The following TF variants were observed in gnomAD, a reference collection of about 807,000 sequenced individuals.
TF encodes transferrin, also known as serotransferrin.
A neutral mutation model predicts 82.4 loss-of-function variants in TF; 55 were observed. The ratio of observed to expected loss-of-function variants is 0.67; its 90% CI spans 0.54 to 0.84. The LOEUF is 0.84. Ranked by LOEUF, TF falls within the 40% of genes least tolerant of loss-of-function variation. The pLI, the probability that TF is intolerant of heterozygous loss-of-function variation, is 0.00. For synonymous variants in TF, 332 were observed against 332.6 expected, an observed-to-expected ratio of 1.00 and a Z score of 0.02; for missense variants, 737 against 868.4, an observed-to-expected ratio of 0.85 and a Z score of 1.90.
the TF span, among the ~76,000 whole-genome samples, chr3:133,735,535 T>G: frequency 6.6e-6 from 1 of 152,008 alleles, no homozygotes; most frequent in Admixed American, 6.6e-5. Flanking sequence ...TCTAACCCAA[T>G]GCAAGGAAGC....
the TF span, among the ~76,000 whole-genome samples, chr3:133,684,815 A>G: frequency 1.3e-5 from 2 of 152,350 alleles, no homozygotes; most frequent in Admixed American, 6.5e-5. Flanking sequence ...AACTATTCCA[A>G]TCAATAGAAA....
At chr3:133,714,544 A>G in the TF span, among the ~76,000 whole-genome samples, 1 of 152,226 alleles carries the variant, frequency 6.6e-6, no homozygotes, top group East Asian at 1.9e-4. Flanking sequence ...CAGAAGGTGC[A>G]TTGGTGTTAG....
At chr3:133,679,015 G>A in the TF span, among the ~76,000 whole-genome samples, 7 of 152,064 alleles carry the variant, frequency 4.6e-5, no homozygotes, top group Non-Finnish European at 7.4e-5. Flanking sequence ...TGGGATTACA[G>A]GTGGGCACCA....
the TF span, among the ~76,000 whole-genome samples, chr3:133,693,149 T>G: frequency 2.0e-5 from 3 of 152,194 alleles, no homozygotes; most frequent in Non-Finnish European, 4.4e-5. Flanking sequence ...AAGGTGTCAG[T>G]CCCACCTTCC....
At chr3:133,664,160 A>G in the TF span, among the ~76,000 whole-genome samples, 2 of 152,206 alleles carry the variant, frequency 1.3e-5, no homozygotes, top group Non-Finnish European at 2.9e-5. Context: ...TGTGCCCTTC[A>G]GGTGATTTTG....
At chr3:133,683,106 G>A in the TF span, among the ~76,000 whole-genome samples, 1 of 152,104 alleles carries the variant, frequency 6.6e-6, no homozygotes, top group Non-Finnish European at 1.5e-5. Context: ...CCAAACTAAG[G>A]TTCCTAAGTG....
the TF span, among the ~76,000 whole-genome samples, chr3:133,694,898 A>G: frequency 7.6e-6 from 1 of 130,778 alleles, no homozygotes; most frequent in Non-Finnish European, 1.7e-5. Flanking sequence ...TATTATTATT[A>G]TTTTCATTTA....
At chr3:133,667,550 TGA>T in the TF span, among the ~76,000 whole-genome samples, 16 of 149,228 alleles carry the variant, frequency 1.1e-4, no homozygotes, top group Admixed American at 1.3e-4. Context: ...CACCATCAAC[TGA>T]GAGAGAGAGA....
chr3:133,722,645 T>A, the TF span, among the ~76,000 whole-genome samples: 2 of 152,180 alleles, frequency 1.3e-5, no homozygotes, highest in Non-Finnish European at 2.9e-5. Context: ...TGATAGCAAC[T>A]TAACTTTGGC....
rs1934724996 is a variant in TF, at chr3:133,787,821, TCTAGATA to T, written c.*9205_*9211del. On this transcript the variant is annotated 3_prime_UTR_variant, in exon 17 of 17. Transcript: ENST00000402696. ...AGTCCTAATTTTAAAATATCCACTC[TCTAGATA>T]CTAAAGAGGTTGCCAATGTATGACA... 2 of 152,262 alleles carry T rather than the reference TCTAGATA, an allele frequency of 1.3e-5. No individual in the cohort carries two copies. The highest frequency in any genetic ancestry group is 6.5e-5 in the Admixed American group (1 of 15,286). The allele number at this position is 152,262 out of a possible 1,614,324, so 9.4% of individuals were successfully genotyped here.
chr3:133,761,696 A>C (rs1421360338), intron 9 of TF: 1 of 152,248 alleles, frequency 6.6e-6, no homozygotes, highest in Non-Finnish European at 1.5e-5. Context: ...TCAAAAGAGC[A>C]TAGTACTGGA....
the TF span, among the ~76,000 whole-genome samples, chr3:133,706,582 CTA>C: frequency 6.6e-6 from 1 of 152,006 alleles, no homozygotes; most frequent in African/African-American, 2.4e-5. Context: ...GGCTAGCAAT[CTA>C]TGTTTTAACA....
In TF at chr3:133,759,329, G is replaced by C. The variant is rs201518705; in HGVS notation, c.1203G>C (p.Met401Ile). The C allele has an allele frequency of 6.2e-7, 1 of 1,613,522 alleles. No homozygotes were observed. The highest frequency in any genetic ancestry group is 8.5e-7 in the Non-Finnish European group (1 of 1,180,012). Reference sequence around the variant, plus strand: ...CCGAAGACTGCATCGCCAAGATCATGGTATGTCACTCCAGCCTTCCTAGGG... The same window carrying C: ...CCGAAGACTGCATCGCCAAGATCATCGTATGTCACTCCAGCCTTCCTAGGG... ...ETTEDCIAKI[M>I]NGEADAMSLD... The change falls in exon 9 of 17, where the codon ATG (methionine) becomes ATC (isoleucine). Residue 401 changes from methionine (M) to isoleucine (I), a missense_variant and splice_region_variant. Coordinates refer to ENST00000402696, the MANE Select transcript of TF (RefSeq NM_001063.4).
At chr3:133,670,121 TGGAAGCAGGCTGCC>T in the TF span, among the ~76,000 whole-genome samples, 1 of 152,200 alleles carries the variant, frequency 6.6e-6, no homozygotes, top group Non-Finnish European at 1.5e-5. Flanking sequence ...GCATGGACTA[TGGAAGCAGGCTGCC>T]TAGTTTGAAT....
the TF span, among the ~76,000 whole-genome samples, chr3:133,729,364 G>C: frequency 6.6e-6 from 1 of 152,216 alleles, no homozygotes; most frequent in Non-Finnish European, 1.5e-5. Context: ...GGGCAATGGC[G>C]GGCGCCCCTC....
At chr3:133,753,969 C>T (rs536003550) in intron 3 of TF, 27 of 572,138 alleles carry the variant, frequency 4.7e-5, no homozygotes, top group Middle Eastern at 4.7e-4. Context: ...CTGTGTGCAG[C>T]TTGACCTGAA....
At chr3:133,691,019 T>C in the TF span, among the ~76,000 whole-genome samples, 2 of 152,064 alleles carry the variant, frequency 1.3e-5, no homozygotes, top group African/African-American at 4.8e-5. Flanking sequence ...TACATACATA[T>C]ATATGAATAT....
At chr3:133,746,324 G>C, upstream of TF, 1 of 1,222,170 alleles carries the variant, frequency 8.2e-7, no homozygotes, top group Non-Finnish European at 1.2e-6. Flanking sequence ...AAACACGGGA[G>C]GTCAAAGATT....
At position 133,768,026 on chromosome 3, in the gene TF, C is replaced by G. The variant is rs756270765; in HGVS notation, c.1487-3C>G. ...GCTGACTTCCTCTTGTCCTTCTGCACAGATGAATTTTTCAGTGAAGGTTGT... is the reference window on the plus strand; with the variant it reads ...GCTGACTTCCTCTTGTCCTTCTGCAGAGATGAATTTTTCAGTGAAGGTTGT... On this transcript the variant is annotated splice_region_variant and splice_polypyrimidine_tract_variant and intron_variant, in intron 12 of 16. Transcript: ENST00000402696. 1 of 1,614,092 alleles carries G rather than the reference C, an allele frequency of 6.2e-7. No homozygotes were observed. The highest frequency in any genetic ancestry group is 1.7e-5 in the Admixed American group (1 of 60,022).
Sources: allele counts gnomAD v4.1 joint callset (sites outside exome capture counted in the v4.1 genomes callset), GRCh38; gene constraint gnomAD v4.1.1; transcripts MANE v1.5; gene names NCBI Gene and HGNC (gene_info 2026-07-23, HGNC 2026-07-21).